Variants in XRN1 observed in about 807,000 individuals in gnomAD.
XRN1 encodes 5'-3' exoribonuclease 1.
XRN1 carries 67 observed loss-of-function variants against 222.3 expected under a neutral mutation model. The ratio of observed to expected loss-of-function variants is 0.30; its 90% CI spans 0.25 to 0.37. The LOEUF (loss-of-function observed/expected upper bound fraction) is 0.37, where lower values mean the gene tolerates loss of function less well. XRN1 is among the 10% of genes least tolerant of loss of function. XRN1 has a pLI of 1.00. For missense variants in XRN1, 1,707 were observed against 2,000.2 expected, an observed-to-expected ratio of 0.85 and a Z score of 2.80; for synonymous variants, 643 against 652.4, an observed-to-expected ratio of 0.99 and a Z score of 0.22.
chr3:142,357,685 C>T (rs548046334), intron 30 of XRN1, among the ~76,000 whole-genome samples: 1 of 152,216 alleles, frequency 6.6e-6, no homozygotes, highest in African/African-American at 2.4e-5. Context: ...TCCTTAGCCT[C>T]CCAAAGTGTT....
rs142542839 is a variant in XRN1, at chr3:142,372,238, A to T, written c.2979-910T>A. Among the ~76,000 whole-genome samples, 156 of 152,338 alleles carry T rather than the reference A, an allele frequency of 1.0e-3. 3 individuals are homozygous for T. In the East Asian group the frequency reaches 0.026, roughly 26 times the overall value. Reference sequence around the variant, plus strand: ...TCACGGACTTAGGGGTGAGGAAGGCATAAGGAGGAGAGGACAGGTGTTATA... The same window carrying T: ...TCACGGACTTAGGGGTGAGGAAGGCTTAAGGAGGAGAGGACAGGTGTTATA... On this transcript the variant is annotated intron_variant, in intron 25 of 40. Coordinates refer to ENST00000392981, the MANE Select transcript of XRN1 (RefSeq NM_001282857.2).
intron 24 of XRN1, 157 bp downstream of exon 24, chr3:142,376,322 C>G (rs1021802877): frequency 5.6e-6 from 4 of 708,202 alleles, no homozygotes; most frequent in Non-Finnish European, 9.4e-6. Context: ...AAAACATGTG[C>G]CATTCAGATG....
chr3:142,317,579 C>T lies in XRN1; in HGVS notation c.4621+1013G>A, dbSNP rs1460447173. On this transcript the variant is annotated intron_variant, in intron 39 of 40. Transcript: ENST00000392981. Reference sequence around the variant, plus strand: ...CCATTCTCTTCTCTGCCTGGTATTCCCATATCTAGATAGCTCCTCTAGAAA... The same window carrying T: ...CCATTCTCTTCTCTGCCTGGTATTCTCATATCTAGATAGCTCCTCTAGAAA... 2.0e-5 allele frequency among the ~76,000 whole-genome samples: 3 copies of T among 152,178 alleles called. No individual in the cohort carries two copies. In the East Asian group the frequency reaches 5.8e-4, roughly 29 times the overall value.
chr3:142,325,932 CTAACA>C (rs756832500), intron 37 of XRN1, among the ~76,000 whole-genome samples: 10 of 152,070 alleles, frequency 6.6e-5, no homozygotes, highest in Non-Finnish European at 1.0e-4. Flanking sequence ...TGTTCTTTCC[CTAACA>C]TATGTTCTTG....
intron 30 of XRN1, among the ~76,000 whole-genome samples, chr3:142,358,489 A>G (rs933813161): frequency 6.6e-6 from 1 of 152,178 alleles, no homozygotes; most frequent in Non-Finnish European, 1.5e-5. Flanking sequence ...TTTCATGAGA[A>G]CTAAACTTAC....
Position 142,419,350 on chromosome 3 carries a change from C to A in XRN1, c.1174-469G>T, listed in dbSNP as rs186018927. Among the ~76,000 whole-genome samples the A allele has an allele frequency of 1.6e-4, 25 of 152,194 alleles. No individual in the cohort carries two copies. The East Asian group carries it at 3.5e-3, about 21-fold the overall frequency. On this transcript the variant is annotated intron_variant, in intron 10 of 40. Transcript: ENST00000392981. ...AAAAAAAAAGACACACACACACACA[C>A]AAAAACCAGTGGAATGCAGACTGAC... is the stretch of plus-strand genomic sequence containing the variant.
rs535971009 is a variant in XRN1, at chr3:142,422,578, T to C, written c.967+4A>G. On this transcript the variant is annotated splice_donor_region_variant and intron_variant, in intron 8 of 40. Transcript: ENST00000392981. ...TCCTCGAGAGATTATTAAATTCTTC[T>C]TACCCCCAAGTTCTGGCAGGATGGT... The C allele has an allele frequency of 6.2e-6, 10 of 1,612,192 alleles. No individual in the cohort carries two copies. Among genetic ancestry groups the C allele is most frequent in the Non-Finnish European group, 8.5e-6 (10 of 1,179,128 alleles).
At chr3:142,439,491 A>G (rs1378552289) in intron 1 of XRN1, among the ~76,000 whole-genome samples, 3 of 152,240 alleles carry the variant, frequency 2.0e-5, no homozygotes, top group Admixed American at 6.5e-5. Context: ...ACTGTAACAC[A>G]GGGAAAGGAA....
At chr3:142,378,239 A>T (rs2067199620) in intron 23 of XRN1, among the ~76,000 whole-genome samples, 1 of 152,242 alleles carries the variant, frequency 6.6e-6, no homozygotes, top group East Asian at 1.9e-4. Flanking sequence ...CCTAAAAAAG[A>T]TGCTGTTAAC....
intron 20 of XRN1, among the ~76,000 whole-genome samples, chr3:142,392,404 T>C (rs1033311186): frequency 1.1e-4 from 16 of 152,180 alleles, no homozygotes; most frequent in African/African-American, 3.4e-4. Flanking sequence ...TGTATACATA[T>C]GCCATGCTGG....
intron 20 of XRN1, among the ~76,000 whole-genome samples, chr3:142,392,268 T>C (rs752584388): frequency 3.9e-4 from 60 of 152,136 alleles, no homozygotes; most frequent in Middle Eastern, 3.2e-3. Flanking sequence ...CTGTAACTCA[T>C]TTTCATAATC....
In XRN1 at chr3:142,347,302, T is replaced by C. The variant is rs145776184; in HGVS notation, c.3809A>G (p.His1270Arg). ...LPQEISQVNQ[H>R]HKSGFNDNSV... ...GTTGTCATTAAAGCCAGATTTATGA[T>C]GTTGATTTACTTGGCTTATTTCTTG... Residue 1270 changes from histidine (H) to arginine (R), a missense_variant, in exon 33 of 41, where the codon CAT becomes CGT. Coordinates refer to ENST00000392981, the MANE Select transcript of XRN1 (RefSeq NM_001282857.2). The C allele has an allele frequency of 1.8e-4, 292 of 1,607,344 alleles. No homozygotes were observed. In the African/African-American group the frequency reaches 3.4e-3, roughly 19 times the overall value.
rs1007080530 is a variant in XRN1 at position 142,307,482 on chromosome 3, G to A, written c.*4029C>T. ...TGGCTGAATGCATTGATTGAGCAAG[G>A]CATTATTATTTGTTCACTGACACAC... On this transcript the variant is annotated 3_prime_UTR_variant, in exon 41 of 41. Transcript: ENST00000392981. The A allele has an allele frequency of 1.3e-5, 2 of 152,124 alleles. No individual in the cohort carries two copies. Among genetic ancestry groups the A allele is most frequent in the African/African-American group, 2.4e-5 (1 of 41,428 alleles). The allele number at this position is 152,124 out of a possible 1,614,324, so 9.4% of individuals were successfully genotyped here. A position where few individuals can be genotyped will look rare whatever the true frequency, so the allele number is the denominator to read the frequency against.
chr3:142,434,878 A>G lies in XRN1; in HGVS notation c.76-1985T>C, dbSNP rs185554027. The G allele has an allele frequency of 1.4e-3, 207 of 152,324 alleles. 1 individual carries two copies. The highest frequency in any genetic ancestry group is 4.9e-3 in the African/African-American group (203 of 41,576). 9.4% of individuals were successfully genotyped at this position (152,324 alleles called of 1,614,324 possible). ...ATAAAACTCCATCTTACGCTAAAAC[A>G]AAAGAAATTCCAGAAGGATTAAAAA... is the stretch of plus-strand genomic sequence containing the variant. On this transcript the variant is annotated intron_variant, in intron 1 of 40. Coordinates refer to ENST00000392981, the MANE Select transcript of XRN1 (RefSeq NM_001282857.2).
chr3:142,384,501 T>C, intron 21 of XRN1, 22 bp downstream of exon 21: 1 of 1,594,632 alleles, frequency 6.3e-7, no homozygotes, highest in South Asian at 1.1e-5. Flanking sequence ...TAAGACAGAA[T>C]TGAAACTTGA....
chr3:142,323,729 G>C (rs1346109043), intron 37 of XRN1, among the ~76,000 whole-genome samples: 1 of 152,046 alleles, frequency 6.6e-6, no homozygotes, highest in Non-Finnish European at 1.5e-5. Flanking sequence ...TGTAATCCTA[G>C]CACTTTGGGA....
At chr3:142,349,220 C>G (rs1261077473) in intron 32 of XRN1, among the ~76,000 whole-genome samples, 3 of 152,136 alleles carry the variant, frequency 2.0e-5, no homozygotes, top group Non-Finnish European at 4.4e-5. Flanking sequence ...TTCAAAAGTG[C>G]TGGGATTACA....
chr3:142,329,049 C>A (rs1256737974), intron 37 of XRN1, among the ~76,000 whole-genome samples: 1 of 151,880 alleles, frequency 6.6e-6, no homozygotes, highest in Non-Finnish European at 1.5e-5. Context: ...TGACCCATTA[C>A]AACTGGCCAA....
intron 26 of XRN1, among the ~76,000 whole-genome samples, chr3:142,370,965 C>T (rs562821839): frequency 6.6e-6 from 1 of 151,828 alleles, no homozygotes; most frequent in South Asian, 2.1e-4. Flanking sequence ...ATGGCCTGAG[C>T]CTAGGAGTCA....
Sources: allele counts gnomAD v4.1 joint callset (sites outside exome capture counted in the v4.1 genomes callset), GRCh38; gene constraint gnomAD v4.1.1; transcripts MANE v1.5; gene names NCBI Gene and HGNC (gene_info 2026-07-23, HGNC 2026-07-21).